MYO16: variants seen among roughly 807,000 people sequenced by gnomAD.
The protein encoded by MYO16 is unconventional myosin-XVI.
Under a neutral mutation model 205.3 loss-of-function variants are expected in MYO16, and 94 were observed. That is an observed-to-expected ratio of 0.46 (90% CI 0.39 to 0.54). The LOEUF (loss-of-function observed/expected upper bound fraction) is 0.54, where lower values mean the gene tolerates loss of function less well. MYO16 is among the 20% of genes least tolerant of loss of function. The probability of loss-of-function intolerance (pLI) is 0.00; values close to 1 mark genes in which losing one functional copy is unlikely to be tolerated. For synonymous variants in MYO16, 988 were observed against 954.0 expected (o/e 1.04, Z -0.66); for missense variants, 2,315 against 2,387.5 (o/e 0.97, Z 0.63).
chr13:108,614,518 C>CT (rs1462639106), intron 1 of MYO16, among the ~76,000 whole-genome samples: 1 of 152,052 alleles, frequency 6.6e-6, no homozygotes, highest in Non-Finnish European at 1.5e-5. Flanking sequence ...TAACTAAAAA[C>CT]TATCTTTAAA....
intron 23 of MYO16, among the ~76,000 whole-genome samples, chr13:109,034,714 C>A (rs1018632486): frequency 6.6e-6 from 1 of 152,152 alleles, no homozygotes; most frequent in Admixed American, 6.5e-5. Context: ...CCCTGATAAC[C>A]TCCTCAATCC....
At chr13:108,866,130 A>C (rs1878701340) in intron 11 of MYO16, 47 bp from the exon 12 acceptor site, 1 of 1,171,296 alleles carries the variant, frequency 8.5e-7, no homozygotes, top group African/African-American at 1.6e-5. Context: ...TTGTTTAAAG[A>C]TGCTATTTAT....
intron 10 of MYO16, 47 bp from the exon 11 acceptor site, chr13:108,855,396 T>C: frequency 2.5e-6 from 3 of 1,191,904 alleles, no homozygotes; most frequent in Non-Finnish European, 3.5e-6. Context: ...TGAAGAAAGT[T>C]GATTGGAAAG....
At chr13:108,572,158 C>G in the MYO16 span, among the ~76,000 whole-genome samples, 1 of 152,024 alleles carries the variant, frequency 6.6e-6, no homozygotes, top group Non-Finnish European at 1.5e-5. Flanking sequence ...AACTCCTGCC[C>G]TCAAGTGACT....
intron 9 of MYO16, among the ~76,000 whole-genome samples, chr13:108,832,978 G>A (rs1201395895): frequency 1.3e-5 from 2 of 151,938 alleles, no homozygotes; most frequent in Non-Finnish European, 2.9e-5. Context: ...TAGAATACAG[G>A]GACAGAATGA....
intron 6 of MYO16, 31 bp downstream of exon 6, chr13:108,793,671 T>A (rs1437059212): frequency 3.1e-6 from 5 of 1,588,528 alleles, no homozygotes; most frequent in Non-Finnish European, 8.6e-7. Flanking sequence ...CAGAAACTAT[T>A]TGAATAGAGA....
intron 16 of MYO16, among the ~76,000 whole-genome samples, chr13:108,936,870 G>T (rs1882513836): frequency 6.6e-6 from 1 of 152,062 alleles, no homozygotes; most frequent in Non-Finnish European, 1.5e-5. Flanking sequence ...TGATATGTGA[G>T]GTTTTAATCC....
At chr13:108,799,819 G>T (rs73612412) in intron 6 of MYO16, among the ~76,000 whole-genome samples, 96 of 152,156 alleles carry the variant, frequency 6.3e-4, no homozygotes, top group African/African-American at 2.1e-3. Context: ...TCCTCTTGGC[G>T]CTTTTCTTCA....
At chr13:108,807,033 T>A (rs1887136435) in intron 7 of MYO16, among the ~76,000 whole-genome samples, 1 of 152,178 alleles carries the variant, frequency 6.6e-6, no homozygotes, top group Non-Finnish European at 1.5e-5. Context: ...GAAGAAATAA[T>A]CAAAATCTGT....
chr13:108,673,283 G>A (rs1201408026), intron 2 of MYO16, among the ~76,000 whole-genome samples: 2 of 151,662 alleles, frequency 1.3e-5, no homozygotes, highest in Non-Finnish European at 2.9e-5. Flanking sequence ...TCAAGGGAAT[G>A]TCCAAAGGCC....
intron 4 of MYO16, among the ~76,000 whole-genome samples, chr13:108,778,632 T>A (rs9521041): frequency 0.42 from 63,242 of 151,404 alleles, 14,692 homozygotes; most frequent in East Asian, 0.63. Flanking sequence ...AAATATATAT[T>A]TTTTTTCTGT....
intron 9 of MYO16, among the ~76,000 whole-genome samples, chr13:108,833,385 A>G (rs934999389): frequency 6.6e-6 from 1 of 152,202 alleles, no homozygotes; most frequent in African/African-American, 2.4e-5. Context: ...AGAAGCAGAA[A>G]AAAAACAAAA....
At chr13:109,041,389 C>T (rs1019355946) in intron 23 of MYO16, among the ~76,000 whole-genome samples, 2 of 151,988 alleles carry the variant, frequency 1.3e-5, no homozygotes, top group Non-Finnish European at 2.9e-5. Flanking sequence ...CTAAAATTTA[C>T]ATTGAAAGGT....
intron 16 of MYO16, among the ~76,000 whole-genome samples, chr13:108,952,809 C>T (rs1404739044): frequency 2.6e-5 from 4 of 152,102 alleles, no homozygotes; most frequent in African/African-American, 9.7e-5. Context: ...AGAAAATAGG[C>T]TTAAGCTATA....
chr13:108,678,668 C>A (rs1030629295), intron 2 of MYO16, among the ~76,000 whole-genome samples: 22 of 152,164 alleles, frequency 1.4e-4, no homozygotes, highest in Admixed American at 5.2e-4. Context: ...CCACTGACTT[C>A]TTTCACTCTG....
the MYO16 span, among the ~76,000 whole-genome samples, chr13:108,547,504 T>G: frequency 6.6e-6 from 1 of 152,126 alleles, no homozygotes; most frequent in Admixed American, 6.6e-5. Context: ...TTGGGAGAGA[T>G]GTGTACCATT....
intron 1 of MYO16, among the ~76,000 whole-genome samples, chr13:108,652,518 CATTTT>C (rs1184233178): frequency 6.6e-6 from 1 of 152,160 alleles, no homozygotes; most frequent in African/African-American, 2.4e-5. Flanking sequence ...CTGAACATTT[CATTTT>C]GTCATTCTGA....
intron 2 of MYO16, among the ~76,000 whole-genome samples, chr13:108,670,881 A>G (rs1206619990): frequency 6.6e-6 from 1 of 152,240 alleles, no homozygotes; most frequent in African/African-American, 2.4e-5. Context: ...AATATTTGTT[A>G]CATAATTAAA....
rs750592837 is a variant in MYO16, at chr13:108,712,770, C to G, written c.363+39C>G. 10 of 1,538,564 alleles carry G rather than the reference C, an allele frequency of 6.5e-6. No homozygotes were observed. In the African/African-American group the frequency reaches 1.2e-4, roughly 19 times the overall value. On this transcript the variant is annotated intron_variant, in intron 3 of 34. Coordinates refer to ENST00000457511, the MANE Select transcript of MYO16 (RefSeq NM_001198950.3). The stretch of plus-strand genomic sequence containing the variant: ...CAGTCAGTGCCAGTGCATGGGGACA[C>G]CCGGGGGAGAGTACATTACAGGTTC...
Sources: allele counts gnomAD v4.1 joint callset (sites outside exome capture counted in the v4.1 genomes callset), GRCh38; gene constraint gnomAD v4.1.1; transcripts MANE v1.5; gene names NCBI Gene and HGNC (gene_info 2026-07-23, HGNC 2026-07-21).